Variants in AKAP13 observed in about 807,000 individuals in gnomAD.
AKAP13 encodes the protein A-kinase anchor protein 13.
Under a neutral mutation model 264.5 loss-of-function variants are expected in AKAP13, and 80 were observed. The ratio of observed to expected loss-of-function variants is 0.30; its 90% CI spans 0.25 to 0.36. AKAP13 has a LOEUF of 0.36. Ranked by LOEUF, AKAP13 falls within the 10% of genes least tolerant of loss-of-function variation. AKAP13 has a pLI of 1.00. For missense variants in AKAP13, 3,712 were observed against 3,435.2 expected (o/e 1.08, Z -2.01); for synonymous variants, 1,380 against 1,250.2 (o/e 1.10, Z -2.19).
chr15:85,471,275 C>A (rs12440004), intron 1 of AKAP13, among the ~76,000 whole-genome samples: 1,698 of 152,314 alleles, frequency 0.011, 110 homozygotes, highest in Admixed American at 0.098. Flanking sequence ...GCAGGCAGAT[C>A]ACAAGGTCAG....
chr15:85,493,835 C>G (rs760796292), intron 2 of AKAP13, among the ~76,000 whole-genome samples: 2 of 152,046 alleles, frequency 1.3e-5, no homozygotes, highest in African/African-American at 4.8e-5. Context: ...AAAGAAAAAG[C>G]CAAGCACATG....
At chr15:85,552,889 T>C (rs867060902) in intron 5 of AKAP13, among the ~76,000 whole-genome samples, 80 of 152,280 alleles carry the variant, frequency 5.3e-4, no homozygotes, top group African/African-American at 1.8e-3. Context: ...AATTTGGAGA[T>C]GGCAATGTTG....
intron 8 of AKAP13, among the ~76,000 whole-genome samples, chr15:85,599,738 A>G (rs892427490): frequency 1.3e-5 from 2 of 152,212 alleles, no homozygotes; most frequent in African/African-American, 4.8e-5. Context: ...CATACCTTTT[A>G]TGAATATTAT....
intron 1 of AKAP13, among the ~76,000 whole-genome samples, chr15:85,427,197 C>T (rs527879494): frequency 1.3e-5 from 2 of 151,964 alleles, no homozygotes; most frequent in Admixed American, 6.6e-5. Context: ...CCTTGTGATC[C>T]GCCCGCCTCG....
chr15:85,581,165 T>C lies in AKAP13; in HGVS notation c.3097T>C (p.Leu1033=). 6.2e-7 allele frequency: 1 copy of C among 1,614,110 alleles called. No homozygotes were observed. Among genetic ancestry groups the C allele is most frequent in the Non-Finnish European group, 8.5e-7 (1 of 1,180,006 alleles). The change falls in exon 7 of 37, where the codon TTG becomes CTG. Residue 1033 remains leucine, a synonymous_variant. Coordinates refer to ENST00000394518, the MANE Select transcript of AKAP13 (RefSeq NM_007200.5). ...GGCCACAGAGTCAAGGCAGGAAGCC[T>C]TGGGGGCAGAGCACAACAGCTCCGC... The part of the protein sequence containing the change: ...SLATESRQEA[L]GAEHNSSALL...
chr15:85,411,383 G>C (rs558410941), intron 1 of AKAP13, among the ~76,000 whole-genome samples: 1 of 152,096 alleles, frequency 6.6e-6, no homozygotes, highest in South Asian at 2.1e-4. Context: ...TCTGCACGTG[G>C]AAGTATTGTG....
chr15:85,459,882 A>G (rs534097228), intron 1 of AKAP13, among the ~76,000 whole-genome samples: 157 of 152,260 alleles, frequency 1.0e-3, no homozygotes, highest in African/African-American at 3.6e-3. Context: ...TTCACTCTCA[A>G]GTATATTGGA....
At chr15:85,644,964 C>CA (rs1156434748) in intron 9 of AKAP13, among the ~76,000 whole-genome samples, 1 of 152,114 alleles carries the variant, frequency 6.6e-6, no homozygotes. Context: ...CCCATCTTTA[C>CA]AAAAAATAAA....
chr15:85,401,283 A>G (rs920031905), intron 1 of AKAP13, among the ~76,000 whole-genome samples: 1 of 136,568 alleles, frequency 7.3e-6, no homozygotes, highest in African/African-American at 2.8e-5. Flanking sequence ...CCAGTTTTTT[A>G]TGTAGTATAC....
chr15:85,514,821 T>A (rs1305101043), intron 2 of AKAP13, among the ~76,000 whole-genome samples: 1 of 124,002 alleles, frequency 8.1e-6, no homozygotes, highest in Non-Finnish European at 1.7e-5. Flanking sequence ...ACAAGCAGTG[T>A]TGGTTAATGA....
chr15:85,388,715 A>T (rs189847052), intron 1 of AKAP13, among the ~76,000 whole-genome samples: 125 of 152,144 alleles, frequency 8.2e-4, no homozygotes, highest in African/African-American at 2.8e-3. Flanking sequence ...TATTTTTTAC[A>T]TGTCTTTGGG....
rs139043547 is a variant in AKAP13, at chr15:85,580,872, C to T, written c.2804C>T (p.Ser935Phe). 48 of 1,613,994 alleles carry T rather than the reference C, an allele frequency of 3.0e-5. No individual in the cohort carries two copies. In the African/African-American group the frequency reaches 6.0e-4, roughly 20 times the overall value. ...GATAAGGATAAAGCGGTGACCTGTT[C>T]CTCTATTAAGGAAAATGCTCTCTCT... ...EQDKDKAVTC[S>F]SIKENALSSG... Residue 935 changes from serine (S) to phenylalanine (F), a missense_variant, in exon 7 of 37, where the codon TCC (serine) becomes TTC (phenylalanine). Ser to Phe is a radical substitution (Grantham distance 155). Transcript: ENST00000394518.
intron 8 of AKAP13, among the ~76,000 whole-genome samples, chr15:85,588,303 A>G (rs2079444072): frequency 6.6e-6 from 1 of 152,198 alleles, no homozygotes; most frequent in East Asian, 1.9e-4. Flanking sequence ...TTCATGACTA[A>G]TGCCTGGGTG....
At position 85,533,643 on chromosome 15, in the gene AKAP13, G is replaced by A. The variant is rs146142499; in HGVS notation, c.241G>A (p.Val81Met). The A allele has an allele frequency of 7.2e-5, 117 of 1,614,058 alleles. No homozygotes were observed. Among genetic ancestry groups the A allele is most frequent in the African/African-American group, 9.3e-5 (7 of 74,926 alleles). The change falls in exon 4 of 37, where the codon GTG (valine) becomes ATG (methionine). Residue 81 changes from valine to methionine, a missense_variant. Transcript: ENST00000394518. ...CTGTGCTTCCAAAGAGGGCCTTCCC[G>A]TGTTTGTGGTGGCTGAAGAAGACTT... ...QLCASKEGLPVFVVAEEDFHF... is the reference protein window; with the variant it reads ...QLCASKEGLPMFVVAEEDFHF...
Position 85,579,876 on chromosome 15 carries a change from C to A in AKAP13, c.1808C>A (p.Pro603His). Reference sequence around the variant, plus strand: ...GACAAGATTTCAGATGGATTAGAACCTTATACTCTCTTAGCAGCAGGCATA... The same window carrying A: ...GACAAGATTTCAGATGGATTAGAACATTATACTCTCTTAGCAGCAGGCATA... The part of the protein sequence containing the change: ...AKDKISDGLE[P>H]YTLLAAGIGE... The change falls in exon 7 of 37, where the codon CCT becomes CAT. Residue 603 changes from proline (P) to histidine (H), a missense_variant. Pro to His is a moderately conservative substitution (Grantham distance 77, BLOSUM62 -2). Coordinates refer to ENST00000394518, the MANE Select transcript of AKAP13 (RefSeq NM_007200.5). The A allele has an allele frequency of 6.2e-7, 1 of 1,614,152 alleles. No individual in the cohort carries two copies. Among genetic ancestry groups the A allele is most frequent in the South Asian group, 1.1e-5 (1 of 91,084 alleles).
chr15:85,395,226 A>G (rs142576588), intron 1 of AKAP13, among the ~76,000 whole-genome samples: 2 of 152,340 alleles, frequency 1.3e-5, no homozygotes, highest in Admixed American at 1.3e-4. Flanking sequence ...TTAAATTTTT[A>G]TAATGAATGA....
chr15:85,552,120 T>G (rs756459295), intron 5 of AKAP13, among the ~76,000 whole-genome samples: 5 of 152,136 alleles, frequency 3.3e-5, no homozygotes, highest in African/African-American at 1.2e-4. Flanking sequence ...AAATATGAGG[T>G]AGTAAAAAAA....
At chr15:85,496,692 A>G (rs1301110346) in intron 2 of AKAP13, among the ~76,000 whole-genome samples, 1 of 152,186 alleles carries the variant, frequency 6.6e-6, no homozygotes, top group African/African-American at 2.4e-5. Context: ...CTGTTAGGAT[A>G]CATTTTGCTT....
intron 2 of AKAP13, among the ~76,000 whole-genome samples, chr15:85,507,591 A>G (rs2076275945): frequency 6.6e-6 from 1 of 152,218 alleles, no homozygotes; most frequent in African/African-American, 2.4e-5. Flanking sequence ...GCAAAGACAG[A>G]ACAAGTCACC....
Sources: gnomAD v4.1 joint callset for allele counts (sites outside exome capture counted in the v4.1 genomes callset) on GRCh38, gnomAD v4.1.1 for gene constraint, MANE v1.5 for transcripts, NCBI Gene and HGNC (gene_info 2026-07-23, HGNC 2026-07-21) for gene names.